The following DCLK1 variants were observed in gnomAD, a reference collection of about 807,000 sequenced individuals.
DCLK1 encodes doublecortin like kinase 1.
In DCLK1, 16 loss-of-function variants were observed where a neutral mutation model predicts 86.2. The ratio of observed to expected loss-of-function variants is 0.19; its 90% CI spans 0.13 to 0.28. DCLK1 has a LOEUF of 0.28. Among genes scored for constraint, DCLK1 ranks in the 10% least tolerant of loss-of-function variants. The probability of loss-of-function intolerance (pLI) is 1.00; values close to 1 mark genes in which losing one functional copy is unlikely to be tolerated. For synonymous variants in DCLK1, 369 were observed against 370.5 expected (o/e 1.00, Z 0.05); for missense variants, 590 against 940.2 (o/e 0.63, Z 4.87).
intron 3 of DCLK1, among the ~76,000 whole-genome samples, chr13:36,023,552 C>T (rs1881880520): frequency 6.6e-6 from 1 of 152,086 alleles, no homozygotes; most frequent in Non-Finnish European, 1.5e-5. Flanking sequence ...TCAAAGTTTC[C>T]CAATTAAAAT....
intron 5 of DCLK1, among the ~76,000 whole-genome samples, chr13:35,860,684 T>G (rs551765704): frequency 3.3e-5 from 5 of 152,312 alleles, no homozygotes; most frequent in Non-Finnish European, 7.3e-5. Flanking sequence ...ATTTACCCAG[T>G]AGTTACCATG....
rs1868652790 is a variant in DCLK1 at position 35,828,314 on chromosome 13, A to T, written c.1230-7T>A. On this transcript the variant is annotated splice_region_variant and splice_polypyrimidine_tract_variant and intron_variant, in intron 8 of 16. Coordinates refer to ENST00000360631, the MANE Select transcript of DCLK1 (RefSeq NM_001330071.2). ...ATACTCTCTAGCAGTCGATCTGCGA[A>T]GAGAAAGTTCATGTTTTTAAAATGA... 1 of 1,601,628 alleles carries T rather than the reference A, an allele frequency of 6.2e-7. No homozygotes were observed. Among genetic ancestry groups the T allele is most frequent in the Admixed American group, 1.7e-5 (1 of 59,002 alleles).
chr13:35,870,963 A>C (rs1267560370), intron 5 of DCLK1, among the ~76,000 whole-genome samples: 1 of 152,256 alleles, frequency 6.6e-6, no homozygotes, highest in African/African-American at 2.4e-5. Flanking sequence ...GAAAGGATAC[A>C]AGATGATAAC....
At chr13:36,076,389 T>C (rs1055836162) in intron 3 of DCLK1, among the ~76,000 whole-genome samples, 8 of 152,190 alleles carry the variant, frequency 5.3e-5, no homozygotes, top group African/African-American at 1.2e-4. Context: ...GAATAAAAAC[T>C]GTTCCTGAAA....
intron 3 of DCLK1, among the ~76,000 whole-genome samples, chr13:35,986,217 G>A (rs955591149): frequency 2.1e-5 from 3 of 141,206 alleles, no homozygotes; most frequent in East Asian, 2.3e-4. Context: ...CAGGAGAATC[G>A]TTTGAACCTG....
At chr13:36,075,694 G>A (rs1206601729) in intron 3 of DCLK1, among the ~76,000 whole-genome samples, 1 of 152,156 alleles carries the variant, frequency 6.6e-6, no homozygotes, top group Non-Finnish European at 1.5e-5. Flanking sequence ...TGATATGTAT[G>A]ATAGCTTAGC....
At chr13:35,963,506 A>G (rs1878567499) in intron 3 of DCLK1, among the ~76,000 whole-genome samples, 1 of 152,028 alleles carries the variant, frequency 6.6e-6, no homozygotes, top group Non-Finnish European at 1.5e-5. Flanking sequence ...AGGGTATGAA[A>G]TTTTTCTGGC....
intron 4 of DCLK1, among the ~76,000 whole-genome samples, chr13:35,923,926 C>T (rs950219456): frequency 6.6e-6 from 1 of 152,058 alleles, no homozygotes; most frequent in African/African-American, 2.4e-5. Flanking sequence ...TAAACTAGAC[C>T]CCCTTCTAGC....
chr13:36,071,796 T>G (rs1055509507), intron 3 of DCLK1, among the ~76,000 whole-genome samples: 5 of 152,156 alleles, frequency 3.3e-5, no homozygotes, highest in Admixed American at 6.5e-5. Flanking sequence ...AAGTGCATGG[T>G]CCTTACCACT....
At chr13:36,000,477 A>G (rs550604955) in intron 3 of DCLK1, among the ~76,000 whole-genome samples, 162 of 152,250 alleles carry the variant, frequency 1.1e-3, no homozygotes, top group African/African-American at 3.8e-3. Context: ...TGCCATTCTC[A>G]TTTGCAAGGC....
intron 4 of DCLK1, among the ~76,000 whole-genome samples, chr13:35,909,628 TGTGTGTGTGTGTA>T (rs141481151): frequency 0.017 from 2,062 of 124,398 alleles, 21 homozygotes; most frequent in South Asian, 0.037. Context: ...TGTGTGTGTG[TGTGTGTGTGTGTA>T]TTTTTTTTTT....
chr13:36,023,893 C>A (rs1290378291), intron 3 of DCLK1, among the ~76,000 whole-genome samples: 1 of 57,012 alleles, frequency 1.8e-5, no homozygotes, highest in Admixed American at 3.2e-4. Context: ...TCATTTCTTT[C>A]TTTCTTTCTT....
chr13:35,995,725 A>G (rs1476682320), intron 3 of DCLK1, among the ~76,000 whole-genome samples: 1 of 152,230 alleles, frequency 6.6e-6, no homozygotes, highest in Non-Finnish European at 1.5e-5. Context: ...GCAGGCTGTG[A>G]GAGACAACCT....
At chr13:36,089,780 C>T (rs1275781485) in intron 3 of DCLK1, among the ~76,000 whole-genome samples, 1 of 152,142 alleles carries the variant, frequency 6.6e-6, no homozygotes, top group East Asian at 1.9e-4. Context: ...AAGACAAAAT[C>T]TTGTTTCCTT....
At chr13:35,795,942 A>AAAT (rs1165422421) in intron 15 of DCLK1, among the ~76,000 whole-genome samples, 1 of 151,690 alleles carries the variant, frequency 6.6e-6, no homozygotes, top group African/African-American at 2.4e-5. Context: ...AAAAAAAAAA[A>AAAT]AACCAACAAC....
chr13:35,820,377 A>G (rs533313487), intron 11 of DCLK1, among the ~76,000 whole-genome samples: 4 of 152,326 alleles, frequency 2.6e-5, no homozygotes, highest in South Asian at 2.1e-4. Context: ...AAATTAGAAG[A>G]GAAGGGAAAA....
At chr13:36,003,378 T>C (rs1453676657) in intron 3 of DCLK1, among the ~76,000 whole-genome samples, 1 of 152,206 alleles carries the variant, frequency 6.6e-6, no homozygotes, top group Non-Finnish European at 1.5e-5. Context: ...TGGAGAAACA[T>C]GTGTCTTATA....
At chr13:36,030,747 G>A (rs976099816) in intron 3 of DCLK1, among the ~76,000 whole-genome samples, 31 of 152,044 alleles carry the variant, frequency 2.0e-4, no homozygotes, top group African/African-American at 7.0e-4. Context: ...AAAAGTTATC[G>A]ATATAGGGCA....
At chr13:35,921,516 C>A (rs772856859) in intron 4 of DCLK1, among the ~76,000 whole-genome samples, 6 of 152,206 alleles carry the variant, frequency 3.9e-5, no homozygotes, top group Non-Finnish European at 8.8e-5. Context: ...CATGGTCTCA[C>A]AGCCCCTTGT....
Sources: gnomAD v4.1 joint callset for allele counts (sites outside exome capture counted in the v4.1 genomes callset) on GRCh38, gnomAD v4.1.1 for gene constraint, MANE v1.5 for transcripts, NCBI Gene and HGNC (gene_info 2026-07-23, HGNC 2026-07-21) for gene names.